Variants in HERC6 observed in about 807,000 individuals in gnomAD.
HERC6 encodes probable E3 ubiquitin-protein ligase HERC6.
A neutral mutation model predicts 114.5 loss-of-function variants in HERC6; 101 were observed. The observed-to-expected ratio is 0.88, with a 90% CI of 0.75 to 1.04. HERC6 has a LOEUF of 1.04. HERC6 is among the 50% of genes least tolerant of loss of function. The probability of loss-of-function intolerance (pLI) is 0.00; values close to 1 mark genes in which losing one functional copy is unlikely to be tolerated. For synonymous variants in HERC6, 408 were observed against 436.2 expected, an observed-to-expected ratio of 0.94 and a Z score of 0.81; for missense variants, 1,133 against 1,230.9, an observed-to-expected ratio of 0.92 and a Z score of 1.19.
At chr4:88,385,658 G>A (rs979070140) in intron 3 of HERC6, 83 bp downstream of exon 3, 1 of 668,524 alleles carries the variant, frequency 1.5e-6, no homozygotes, top group Non-Finnish European at 2.5e-6. Flanking sequence ...TTAATGCACT[G>A]GGGTTCATTT....
chr4:88,393,926 T>G (rs1302062189), intron 5 of HERC6, among the ~76,000 whole-genome samples: 1 of 152,144 alleles, frequency 6.6e-6, no homozygotes, highest in East Asian at 1.9e-4. Context: ...GGTTCTGCCT[T>G]CATGACCTAA....
At chr4:88,433,580 C>T (rs1738455546) in intron 17 of HERC6, among the ~76,000 whole-genome samples, 1 of 152,126 alleles carries the variant, frequency 6.6e-6, no homozygotes, top group South Asian at 2.1e-4. Context: ...GGACACTCAG[C>T]CCCCTCACCA....
At chr4:88,421,458 T>C (rs1256518441) in intron 13 of HERC6, among the ~76,000 whole-genome samples, 1 of 151,726 alleles carries the variant, frequency 6.6e-6, no homozygotes, top group Non-Finnish European at 1.5e-5. Flanking sequence ...TTTCTTTTTT[T>C]TTTTTTTGAG....
chr4:88,431,176 T>A lies in HERC6; in HGVS notation c.2121T>A (p.Asn707Lys). 1 of 1,606,810 alleles carries A rather than the reference T, an allele frequency of 6.2e-7. No homozygotes were observed. Among genetic ancestry groups the A allele is most frequent in the Non-Finnish European group, 8.5e-7 (1 of 1,177,680 alleles). Residue 707 changes from asparagine (N) to lysine (K), a missense_variant, in exon 17 of 23, where the codon AAT (asparagine) becomes AAA (lysine). By Grantham distance (94) the Asn-to-Lys change is moderately conservative (BLOSUM62 0). Around this residue, in one of 3 missense-constraint regions of HERC6, gnomAD observed 388 missense variants for 445.9 expected, o/e 0.87. Coordinates refer to ENST00000264346, the MANE Select transcript of HERC6 (RefSeq NM_017912.4). ...FCKVLVVEFI[N>K]EICPESGGVS... ...TCTTTCCTTAGGTTGAATTTATTAATGAAATTTGTCCTGAGTCTGGAGGGG... is the reference window on the plus strand; with the variant it reads ...TCTTTCCTTAGGTTGAATTTATTAAAGAAATTTGTCCTGAGTCTGGAGGGG...
intron 5 of HERC6, among the ~76,000 whole-genome samples, chr4:88,394,622 G>A (rs571559867): frequency 6.6e-6 from 1 of 151,092 alleles, no homozygotes; most frequent in Non-Finnish European, 1.5e-5. Context: ...TCGGCTCACT[G>A]CAACCTTCGC....
chr4:88,414,575 C>G (rs1369857752), intron 12 of HERC6, among the ~76,000 whole-genome samples: 2 of 152,114 alleles, frequency 1.3e-5, no homozygotes, highest in African/African-American at 4.8e-5. Context: ...CTTGGGGCTG[C>G]TGGTTGCCCA....
At chr4:88,415,566 A>C (rs572069504) in intron 12 of HERC6, among the ~76,000 whole-genome samples, 3 of 152,362 alleles carry the variant, frequency 2.0e-5, no homozygotes, top group African/African-American at 7.2e-5. Context: ...TTCATCAATG[A>C]ATATGAGAAT....
At chr4:88,382,742 G>A (rs757168698) in intron 1 of HERC6, among the ~76,000 whole-genome samples, 10 of 152,174 alleles carry the variant, frequency 6.6e-5, no homozygotes, top group Non-Finnish European at 1.3e-4. Flanking sequence ...ATGCCAGGGG[G>A]AACCTTTGAT....
At chr4:88,422,005 G>A (rs752428890) in intron 13 of HERC6, among the ~76,000 whole-genome samples, 7 of 152,108 alleles carry the variant, frequency 4.6e-5, no homozygotes, top group Non-Finnish European at 1.0e-4. Context: ...ACAGTTACAA[G>A]TCCCTTATCG....
chr4:88,382,517 A>G (rs1734374259), intron 1 of HERC6, among the ~76,000 whole-genome samples: 1 of 152,006 alleles, frequency 6.6e-6, no homozygotes. Flanking sequence ...GGGTCTCTTT[A>G]TTTTGCTAGG....
At chr4:88,404,803 G>C in intron 8 of HERC6, 73 bp from the exon 9 acceptor site, 1 of 1,565,370 alleles carries the variant, frequency 6.4e-7, no homozygotes, top group Non-Finnish European at 8.7e-7. Flanking sequence ...ACCCATGCCA[G>C]GTGATTTACT....
At chr4:88,400,662 C>T (rs1735485608) in intron 8 of HERC6, among the ~76,000 whole-genome samples, 1 of 152,194 alleles carries the variant, frequency 6.6e-6, no homozygotes. Context: ...TCCACTTCAT[C>T]CCTTCATCAC....
At chr4:88,408,301 T>G (rs773627201) in intron 10 of HERC6, among the ~76,000 whole-genome samples, 1 of 152,222 alleles carries the variant, frequency 6.6e-6, no homozygotes, top group Admixed American at 6.5e-5. Context: ...CCAAACTTGA[T>G]GTAGCCACTA....
intron 8 of HERC6, among the ~76,000 whole-genome samples, chr4:88,400,736 CAT>C (rs775415524): frequency 6.6e-6 from 1 of 152,142 alleles, no homozygotes. Flanking sequence ...ACCACGTTTA[CAT>C]ATGTTTTATT....
At chr4:88,406,857 A>C (rs1389048466) in intron 10 of HERC6, among the ~76,000 whole-genome samples, 1 of 151,482 alleles carries the variant, frequency 6.6e-6, no homozygotes, top group Non-Finnish European at 1.5e-5. Context: ...CCCAAGTTCA[A>C]GCTATTCTCC....
chr4:88,434,327 C>T (rs1738529046), intron 17 of HERC6, among the ~76,000 whole-genome samples: 1 of 152,118 alleles, frequency 6.6e-6, no homozygotes, highest in Non-Finnish European at 1.5e-5. Flanking sequence ...CTTTGCAGGG[C>T]TATTGTGAAA....
At chr4:88,407,380 AT>A (rs1735864746) in intron 10 of HERC6, among the ~76,000 whole-genome samples, 1 of 151,512 alleles carries the variant, frequency 6.6e-6, no homozygotes, top group Admixed American at 6.6e-5. Flanking sequence ...TATGCTCGGC[AT>A]TTTGTTTGTT....
At chr4:88,381,744 G>A (rs1734335939) in intron 1 of HERC6, among the ~76,000 whole-genome samples, 1 of 151,832 alleles carries the variant, frequency 6.6e-6, no homozygotes, top group Non-Finnish European at 1.5e-5. Context: ...TTTTAGTAGA[G>A]ACGGGGTTTC....
intron 8 of HERC6, 85 bp from the exon 9 acceptor site, chr4:88,404,790 AC>A: frequency 6.6e-7 from 1 of 1,523,358 alleles, no homozygotes; most frequent in Non-Finnish European, 8.9e-7. Context: ...GGGCCTATTT[AC>A]CACCCATGCC....
Sources: gnomAD v4.1 joint callset for allele counts (sites outside exome capture counted in the v4.1 genomes callset) on GRCh38, gnomAD v4.1.1 for gene constraint, gnomAD v4.1.1 regional missense constraint, MANE v1.5 for transcripts, NCBI Gene and HGNC (gene_info 2026-07-23, HGNC 2026-07-21) for gene names.